JAKMIP1: variants seen among roughly 807,000 people sequenced by gnomAD.
The protein encoded by JAKMIP1 is janus kinase and microtubule interacting protein 1.
JAKMIP1 carries 33 observed loss-of-function variants against 113.0 expected under a neutral mutation model. That is an observed-to-expected ratio of 0.29 (90% CI 0.22 to 0.39). The LOEUF (loss-of-function observed/expected upper bound fraction) is 0.39. Ranked by LOEUF, JAKMIP1 falls within the 10% of genes least tolerant of loss-of-function variation. JAKMIP1 has a pLI of 1.00. For missense variants in JAKMIP1, 813 were observed against 1,080.5 expected (o/e 0.75, Z 3.47); for synonymous variants, 480 against 459.9 (o/e 1.04, Z -0.56).
rs1281956553 is a variant in JAKMIP1, at chr4:6,084,888, C to T, written c.912G>A (p.Leu304=). The part of the protein sequence containing the change: ...IAELNSVIRK[L]EDRNTLLADE... ...CTGCCAACAGCGTATTTCTGTCTTC[C>T]AGCTTCCGTATCACTGAATTCAGTT... is the stretch of plus-strand genomic sequence containing the variant. The change falls in exon 5 of 21, where the codon CTG becomes CTA. Residue 304 remains leucine, a synonymous_variant. Transcript: ENST00000409021. 4 of 1,606,138 alleles carry T rather than the reference C, an allele frequency of 2.5e-6. No homozygotes were observed. Among genetic ancestry groups the T allele is most frequent in the Admixed American group, 3.4e-5 (2 of 58,510 alleles).
chr4:6,074,668 C>G (rs753803299), intron 8 of JAKMIP1, among the ~76,000 whole-genome samples: 9 of 152,202 alleles, frequency 5.9e-5, no homozygotes, highest in Admixed American at 1.3e-4. Context: ...TACACTTTAA[C>G]TAGATTACTT....
Position 6,113,590 on chromosome 4 carries a change from A to G in JAKMIP1, c.-147-593T>C, listed in dbSNP as rs144942811. 2.0e-5 allele frequency among the ~76,000 whole-genome samples: 3 copies of G among 152,330 alleles called. No individual in the cohort carries two copies. In the East Asian group the frequency reaches 5.8e-4, roughly 29 times the overall value. On this transcript the variant is annotated intron_variant, in intron 1 of 20. Transcript: ENST00000409021. ...CAGATGAGGAAACTGAGACACACAG[A>G]GGTTGACTGCTGGTGATGTCACTCA...
chr4:6,062,592 T>C, intron 9 of JAKMIP1, 152 bp from the exon 10 acceptor site: 6 of 844,352 alleles, frequency 7.1e-6, no homozygotes, highest in Non-Finnish European at 1.1e-5. Context: ...CATCTCACAG[T>C]GCTGCCAACA....
intron 1 of JAKMIP1, among the ~76,000 whole-genome samples, chr4:6,132,518 G>T (rs778130395): frequency 6.6e-6 from 1 of 151,798 alleles, no homozygotes; most frequent in East Asian, 1.9e-4. Context: ...GGTGCACACC[G>T]GTAGTCGCAG....
rs1726752026 is a variant in JAKMIP1 at position 6,187,258 on chromosome 4, T to C, written c.-148+12995A>G. On this transcript the variant is annotated intron_variant, in intron 1 of 20. Transcript: ENST00000409021. This position sits in a 1 kb window ranked among gnomAD's most constrained non-coding sequence, Gnocchi z 4.2. ...ATAAAATGTTACTTTTTATCTCTAG[T>C]AACTTTTTTTGTTTTAAACTCATTT... Among the ~76,000 whole-genome samples, 1 of 152,242 alleles carries C rather than the reference T, an allele frequency of 6.6e-6. No homozygotes were observed. The highest frequency in any genetic ancestry group is 6.5e-5 in the Admixed American group (1 of 15,286).
intron 18 of JAKMIP1, among the ~76,000 whole-genome samples, chr4:6,036,644 A>G (rs2108749994): frequency 6.6e-6 from 1 of 152,364 alleles, no homozygotes; most frequent in Middle Eastern, 3.4e-3. Context: ...GGCAAAGCTG[A>G]ATGAGGCATT....
intron 1 of JAKMIP1, among the ~76,000 whole-genome samples, chr4:6,125,557 C>T (rs1717306210): frequency 6.6e-6 from 1 of 151,436 alleles, no homozygotes; most frequent in African/African-American, 2.4e-5. Context: ...CATGCAGGTA[C>T]CATACAGAAA....
At chr4:6,147,746 G>C (rs1721031341) in intron 1 of JAKMIP1, among the ~76,000 whole-genome samples, 1 of 152,228 alleles carries the variant, frequency 6.6e-6, no homozygotes, top group Non-Finnish European at 1.5e-5. Context: ...GGCCCGGCCT[G>C]GGTCTGCACA....
chr4:6,144,508 A>G (rs965283692), intron 1 of JAKMIP1, among the ~76,000 whole-genome samples: 1 of 152,240 alleles, frequency 6.6e-6, no homozygotes, highest in Non-Finnish European at 1.5e-5. Context: ...AAATCCTGCA[A>G]TATATAAAAG....
At position 6,081,632 on chromosome 4, in the gene JAKMIP1, G is replaced by C; in HGVS notation, c.1078C>G (p.Leu360Val). 6.2e-7 allele frequency: 1 copy of C among 1,614,120 alleles called. No individual in the cohort carries two copies. Among genetic ancestry groups the C allele is most frequent in the Non-Finnish European group, 8.5e-7 (1 of 1,180,012 alleles). The change falls in exon 6 of 21, where the codon CTC becomes GTC. Residue 360 changes from leucine to valine, a missense_variant. Physicochemically the swap from Leu to Val is conservative, Grantham distance 32. Transcript: ENST00000409021. The surrounding 1 kb of genome is among the most constrained non-coding windows in gnomAD (Gnocchi z 4.6). Reference sequence around the variant, plus strand: ...ACCATTTCCACGTTTTCCCGCGTGAGGTTCTTGATTTTCTCCTCCATCCTC... The same window carrying C: ...ACCATTTCCACGTTTTCCCGCGTGACGTTCTTGATTTTCTCCTCCATCCTC... ...IQRMEEKIKNLTRENVEMKEK... is the reference protein window; with the variant it reads ...IQRMEEKIKNVTRENVEMKEK...
At chr4:6,134,203 G>A (rs1191443201) in intron 1 of JAKMIP1, among the ~76,000 whole-genome samples, 4 of 152,098 alleles carry the variant, frequency 2.6e-5, no homozygotes, top group Admixed American at 6.5e-5. Context: ...GCTGTCTCCC[G>A]CCTGCCGCCA....
intron 1 of JAKMIP1, among the ~76,000 whole-genome samples, chr4:6,165,495 G>A (rs1723515154): frequency 6.6e-6 from 1 of 152,178 alleles, no homozygotes; most frequent in African/African-American, 2.4e-5. Flanking sequence ...AGTAGAGACA[G>A]GGTTTCACTA....
At chr4:6,057,987 G>A (rs956545853) in intron 11 of JAKMIP1, among the ~76,000 whole-genome samples, 1 of 152,262 alleles carries the variant, frequency 6.6e-6, no homozygotes, top group Non-Finnish European at 1.5e-5. Context: ...TAGAACCCCT[G>A]CTGTTCTAAA....
Position 6,059,262 on chromosome 4 carries a change from C to T in JAKMIP1, c.1644+1162G>A, listed in dbSNP as rs1229493890. 6.6e-6 allele frequency among the ~76,000 whole-genome samples: 1 copy of T among 152,200 alleles called. No homozygotes were observed. The highest frequency in any genetic ancestry group is 2.4e-5 in the African/African-American group (1 of 41,472). On this transcript the variant is annotated intron_variant, in intron 11 of 20. Transcript: ENST00000409021. This position sits in a 1 kb window ranked among gnomAD's most constrained non-coding sequence, Gnocchi z 4.8. ...GGTGACCTGCTCTGTGCCAGGCATG[C>T]ATGCTGGTCGCTGGCCGTCCGCCTC...
Position 6,040,672 on chromosome 4 carries a change from G to A in JAKMIP1, c.2142C>T (p.Asp714=). Residue 714 remains aspartate (D), a synonymous_variant, in exon 18 of 21, where the codon GAC becomes GAT. Coordinates refer to ENST00000409021, the MANE Select transcript of JAKMIP1 (RefSeq NM_001099433.2). The surrounding 1 kb of genome is among the most constrained non-coding windows in gnomAD (Gnocchi z 5.8). The stretch of plus-strand genomic sequence containing the variant: ...CCTGGTCAAGGGCTTGCTTCCGGTA[G>A]TCGAGCTCCTCTTCCAGGTAGCCCT... ...RQKGYLEEEL[D]YRKQALDQAY... The A allele has an allele frequency of 6.2e-7, 1 of 1,613,642 alleles. No individual in the cohort carries two copies. Among genetic ancestry groups the A allele is most frequent in the Non-Finnish European group, 8.5e-7 (1 of 1,179,782 alleles).
At chr4:6,043,853 A>G (rs979721991) in intron 16 of JAKMIP1, among the ~76,000 whole-genome samples, 1 of 151,848 alleles carries the variant, frequency 6.6e-6, no homozygotes, top group Non-Finnish European at 1.5e-5. Context: ...ACCCCCGACA[A>G]CACTGGCAAG....
rs185617762 is a variant in JAKMIP1, at chr4:6,189,010, C to T, written c.-148+11243G>A. On this transcript the variant is annotated intron_variant, in intron 1 of 20. Transcript: ENST00000409021. ...GGCTCCAAGACTTGCTGAGGAAATC[C>T]AATTACTGCCGGGCATAATGAGCTC... Among the ~76,000 whole-genome samples, 8 of 152,278 alleles carry T rather than the reference C, an allele frequency of 5.3e-5. No homozygotes were observed. In the East Asian group the frequency reaches 1.5e-3, roughly 29 times the overall value.
At position 6,137,124 on chromosome 4, in the gene JAKMIP1, C is replaced by T. The variant is rs1305356026; in HGVS notation, c.-147-24127G>A. 6.6e-6 allele frequency among the ~76,000 whole-genome samples: 1 copy of T among 152,188 alleles called. No individual in the cohort carries two copies. The highest frequency in any genetic ancestry group is 1.5e-5 in the Non-Finnish European group (1 of 68,024). On this transcript the variant is annotated intron_variant, in intron 1 of 20. Coordinates refer to ENST00000409021, the MANE Select transcript of JAKMIP1 (RefSeq NM_001099433.2). The surrounding 1 kb of genome is among the most constrained non-coding windows in gnomAD (Gnocchi z 4.5). Reference sequence around the variant, plus strand: ...ACTCTTCCTCCTCAACACCCCCTCCCTATTTTCATGGTAAGGTGCTGCATG... The same window carrying T: ...ACTCTTCCTCCTCAACACCCCCTCCTTATTTTCATGGTAAGGTGCTGCATG...
intron 1 of JAKMIP1, among the ~76,000 whole-genome samples, chr4:6,190,537 C>A (rs1727142849): frequency 6.6e-6 from 1 of 152,174 alleles, no homozygotes; most frequent in African/African-American, 2.4e-5. Context: ...GTCACTCACT[C>A]CCCAGCAATG....
Sources: allele counts gnomAD v4.1 joint callset (sites outside exome capture counted in the v4.1 genomes callset), GRCh38; gene constraint gnomAD v4.1.1; non-coding constraint Gnocchi (gnomAD v3.1); transcripts MANE v1.5; gene names NCBI Gene and HGNC (gene_info 2026-07-23, HGNC 2026-07-21).